The following MRPL35 variants were observed in gnomAD, a reference collection of about 807,000 sequenced individuals.
The protein encoded by MRPL35 is large ribosomal subunit protein bL35m.
Under a neutral mutation model 21.6 loss-of-function variants are expected in MRPL35, and 18 were observed. That is an observed-to-expected ratio of 0.83 (90% CI 0.58 to 1.24). The LOEUF (loss-of-function observed/expected upper bound fraction) is 1.24, where lower values mean the gene tolerates loss of function less well. Among genes scored for constraint, MRPL35 ranks in the 50% most tolerant of loss-of-function variants. MRPL35 has a pLI of 0.00. For synonymous variants in MRPL35, 87 were observed against 86.9 expected (o/e 1.00, Z -0.01); for missense variants, 223 against 223.2 (o/e 1.00, Z 0.01).
intron 1 of MRPL35, among the ~76,000 whole-genome samples, chr2:86,204,499 G>A (rs1217559642): frequency 2.0e-5 from 3 of 148,770 alleles, no homozygotes; most frequent in Non-Finnish European, 4.4e-5. Flanking sequence ...ATCATCCTGC[G>A]GAACTTTTTT....
At chr2:86,205,300 T>C (rs1374372452) in intron 1 of MRPL35, among the ~76,000 whole-genome samples, 1 of 152,102 alleles carries the variant, frequency 6.6e-6, no homozygotes, top group Admixed American at 6.6e-5. Context: ...TAAAACAAGC[T>C]AGAGAAAAGA....
chr2:86,207,658 T>A (rs1415063444), intron 3 of MRPL35, among the ~76,000 whole-genome samples: 1 of 143,496 alleles, frequency 7.0e-6, no homozygotes, highest in African/African-American at 2.6e-5. Flanking sequence ...AAAAGGAGTG[T>A]GAGCAGATTA....
At chr2:86,204,076 C>T (rs1673741470) in intron 1 of MRPL35, among the ~76,000 whole-genome samples, 1 of 152,008 alleles carries the variant, frequency 6.6e-6, no homozygotes, top group African/African-American at 2.4e-5. Flanking sequence ...CCTCTTCCTC[C>T]CAGGTTCAAG....
intron 1 of MRPL35, among the ~76,000 whole-genome samples, 189 bp downstream of exon 1, chr2:86,199,722 G>C (rs756883413): frequency 6.6e-6 from 1 of 152,194 alleles, no homozygotes; most frequent in Non-Finnish European, 1.5e-5. Flanking sequence ...TCGGACTCAC[G>C]CGGGCCTGTG....
chr2:86,206,021 C>A, intron 1 of MRPL35, 85 bp from the exon 2 acceptor site: 1 of 1,183,628 alleles, frequency 8.4e-7, no homozygotes, highest in Non-Finnish European at 1.2e-6. Flanking sequence ...ATGTTTAATA[C>A]TTGGTGGCAG....
intron 1 of MRPL35, among the ~76,000 whole-genome samples, chr2:86,200,790 T>C (rs1673669751): frequency 6.6e-6 from 1 of 152,002 alleles, no homozygotes; most frequent in African/African-American, 2.4e-5. Context: ...GTGATTCCCT[T>C]GGAGTAGCTG....
chr2:86,207,559 G>A (rs889077545), intron 3 of MRPL35, among the ~76,000 whole-genome samples: 12 of 152,318 alleles, frequency 7.9e-5, no homozygotes, highest in African/African-American at 2.6e-4. Flanking sequence ...GCTTGAACCC[G>A]GGAGGTGGAG....
chr2:86,199,600 G>T, intron 1 of MRPL35, 67 bp downstream of exon 1: 1 of 1,590,458 alleles, frequency 6.3e-7, no homozygotes, highest in Non-Finnish European at 8.6e-7. Context: ...GGATGGAATG[G>T]GCGTTTAGAC....
intron 1 of MRPL35, among the ~76,000 whole-genome samples, chr2:86,203,312 G>T (rs938071169): frequency 6.6e-6 from 1 of 151,866 alleles, no homozygotes. Context: ...TTGACCTCCT[G>T]ATCTCCTCGT....
chr2:86,213,053 C>G lies in MRPL35; in HGVS notation c.*2385C>G, dbSNP rs116091576. Reference sequence around the variant, plus strand: ...TAATTTAGATTTGAGGAAACTGAAGCTGAGAGAGGGTTAAGTAAATTACCC... The same window carrying G: ...TAATTTAGATTTGAGGAAACTGAAGGTGAGAGAGGGTTAAGTAAATTACCC... On this transcript the variant is annotated 3_prime_UTR_variant, in exon 4 of 4. Coordinates refer to ENST00000337109, the MANE Select transcript of MRPL35 (RefSeq NM_016622.4). 28,836 of 927,832 alleles carry G rather than the reference C, an allele frequency of 0.031. 553 individuals are homozygous for G. Among genetic ancestry groups the G allele is most frequent in the Non-Finnish European group, 0.035 (26,934 of 777,502 alleles). 57.5% of individuals were successfully genotyped at this position (927,832 alleles called of 1,614,324 possible).
rs775059551 is a variant in MRPL35 at position 86,206,142 on chromosome 2, C to T, written c.80C>T (p.Thr27Ile). ...LRPLNILASSTYRNCVKNASL... is the reference protein window; with the variant it reads ...LRPLNILASSIYRNCVKNASL... ...CCCCTGAATATTTTGGCATCTTCAA[C>T]CTACCGCAACTGTGTCAAGAATGCC... is the stretch of plus-strand genomic sequence containing the variant. The change falls in exon 2 of 4, where the codon ACC becomes ATC. Residue 27 changes from threonine to isoleucine, a missense_variant. Physicochemically the swap from Thr to Ile is moderately conservative, Grantham distance 89 (BLOSUM62 -1). Transcript: ENST00000337109. The T allele has an allele frequency of 2.5e-6, 4 of 1,613,704 alleles. No individual in the cohort carries two copies. In the African/African-American group the frequency reaches 5.3e-5, roughly 22 times the overall value.
In MRPL35 at chr2:86,212,293, C is replaced by G; in HGVS notation, c.*1625C>G. ...GGATAACAATAGAATGTTCTAAAAC[C>G]AGAAGTCCAAGTGCGTGTCTACTTA... On this transcript the variant is annotated 3_prime_UTR_variant, in exon 4 of 4. Coordinates refer to ENST00000337109, the MANE Select transcript of MRPL35 (RefSeq NM_016622.4). The G allele has an allele frequency of 6.6e-7, 1 of 1,504,194 alleles. No homozygotes were observed. The highest frequency in any genetic ancestry group is 8.9e-7 in the Non-Finnish European group (1 of 1,124,476). The allele number at this position is 1,504,194 out of a possible 1,614,324, so 93.2% of individuals were successfully genotyped here.
At chr2:86,205,465 G>A (rs1476258487) in intron 1 of MRPL35, among the ~76,000 whole-genome samples, 1 of 152,002 alleles carries the variant, frequency 6.6e-6, no homozygotes, top group Admixed American at 6.6e-5. Flanking sequence ...TAGAAGGGGA[G>A]GCTGGAAAGG....
intron 3 of MRPL35, among the ~76,000 whole-genome samples, chr2:86,209,767 C>T (rs1673866199): frequency 6.6e-6 from 1 of 152,210 alleles, no homozygotes; most frequent in Non-Finnish European, 1.5e-5. Context: ...CGCCTGCACT[C>T]CATCCTCCTC....
rs937390505 is a variant in MRPL35, at chr2:86,210,689, C to T, written c.*21C>T. 2 of 1,593,326 alleles carry T rather than the reference C, an allele frequency of 1.3e-6. No individual in the cohort carries two copies. The highest frequency in any genetic ancestry group is 1.7e-6 in the Non-Finnish European group (2 of 1,169,966). On this transcript the variant is annotated 3_prime_UTR_variant, in exon 4 of 4. Transcript: ENST00000337109. ...TATAGATCAGAAGTTTCACTTGTTT[C>T]TCAGTTATTGGATATGTATCTTTGT... is the stretch of plus-strand genomic sequence containing the variant.
chr2:86,205,199 T>C (rs1372896657), intron 1 of MRPL35, among the ~76,000 whole-genome samples: 1 of 152,206 alleles, frequency 6.6e-6, no homozygotes, highest in Admixed American at 6.5e-5. Flanking sequence ...CATTCCAGCC[T>C]GGGCCACAGA....
chr2:86,202,856 A>G (rs1673714261), intron 1 of MRPL35, among the ~76,000 whole-genome samples: 2 of 151,690 alleles, frequency 1.3e-5, no homozygotes, highest in South Asian at 4.2e-4. Flanking sequence ...CTGCCCAGCT[A>G]ATATTTCTAT....
chr2:86,208,353 C>A (rs80245618), intron 3 of MRPL35, among the ~76,000 whole-genome samples: 6,689 of 151,734 alleles, frequency 0.044, 509 homozygotes, highest in African/African-American at 0.15. Flanking sequence ...ATCGCCCAGG[C>A]TAGAGTGCAG....
At chr2:86,205,142 T>A (rs1477580108) in intron 1 of MRPL35, among the ~76,000 whole-genome samples, 2 of 152,088 alleles carry the variant, frequency 1.3e-5, no homozygotes, top group African/African-American at 2.4e-5. Context: ...GGAAGATAGA[T>A]TGAGCCCAGG....
Sources: allele counts gnomAD v4.1 joint callset (sites outside exome capture counted in the v4.1 genomes callset), GRCh38; gene constraint gnomAD v4.1.1; transcripts MANE v1.5; gene names NCBI Gene and HGNC (gene_info 2026-07-23, HGNC 2026-07-21).